Variants in CNTN3 observed in about 807,000 individuals in gnomAD.
CNTN3 encodes contactin-3.
CNTN3 carries 60 observed loss-of-function variants against 119.1 expected under a neutral mutation model. The observed-to-expected ratio is 0.50, with a 90% confidence interval of 0.41 to 0.62. The LOEUF is 0.62. CNTN3 is among the 20% of genes least tolerant of loss of function. The pLI is 0.00. For missense variants in CNTN3, 1,101 were observed against 1,242.4 expected (o/e 0.89, Z 1.71); for synonymous variants, 450 against 438.7 (o/e 1.03, Z -0.32).
chr3:74,376,607 A>C (rs185552725), intron 5 of CNTN3, among the ~76,000 whole-genome samples: 2 of 152,272 alleles, frequency 1.3e-5, no homozygotes, highest in East Asian at 3.9e-4. Flanking sequence ...TTGTATAATT[A>C]TTATATATTA....
Position 74,521,065 on chromosome 3 carries a change from G to T in CNTN3, c.48C>A (p.Cys16Ter). ...KQLILLSFIG[C>*]LGGELLLQGP... ...TATAGGATTTTTTTTTACCTCCTAA[G>T]CAGCCAATGAATGAAAGCAGGATCA... is the stretch of plus-strand genomic sequence containing the variant. Residue 16 changes from cysteine (C) to a stop codon, truncating the protein, a stop_gained, in exon 2 of 23, where the codon TGC becomes TGA. Transcript: ENST00000263665. LOFTEE classifies it high-confidence loss of function. The T allele has an allele frequency of 6.3e-7, 1 of 1,595,002 alleles. No individual in the cohort carries two copies. Among genetic ancestry groups the T allele is most frequent in the Non-Finnish European group, 8.6e-7 (1 of 1,168,830 alleles).
chr3:74,428,544 T>C (rs551974210), intron 4 of CNTN3, among the ~76,000 whole-genome samples: 1 of 152,310 alleles, frequency 6.6e-6, no homozygotes, highest in South Asian at 2.1e-4. Flanking sequence ...AAGAAAATAG[T>C]TTAGTAAAGC....
chr3:74,381,743 G>C (rs77089269), intron 5 of CNTN3, among the ~76,000 whole-genome samples: 1 of 151,894 alleles, frequency 6.6e-6, no homozygotes, highest in Non-Finnish European at 1.5e-5. Context: ...GTCTTTCAAA[G>C]CCTGAAAAAA....
At position 74,430,852 on chromosome 3, in the gene CNTN3, T is replaced by C. The variant is rs1259535373; in HGVS notation, c.359-5912A>G. On this transcript the variant is annotated intron_variant, in intron 4 of 22. Coordinates refer to ENST00000263665, the MANE Select transcript of CNTN3 (RefSeq NM_020872.3). The stretch of plus-strand genomic sequence containing the variant: ...AGCAAAGATAAAGTCCAGTTCCTCA[T>C]ATTTCCTTATTTCCTTTTATTTTCT... Among the ~76,000 whole-genome samples, 6 of 152,210 alleles carry C rather than the reference T, an allele frequency of 3.9e-5. No homozygotes were observed. The East Asian group carries it at 9.7e-4, about 25-fold the overall frequency.
chr3:74,272,604 T>C (rs1044450414), intron 20 of CNTN3, among the ~76,000 whole-genome samples: 3 of 152,182 alleles, frequency 2.0e-5, no homozygotes, highest in African/African-American at 7.2e-5. Context: ...GTGTGTCATA[T>C]ACAAACATGA....
chr3:74,319,414 GA>G (rs1702924302), intron 13 of CNTN3, among the ~76,000 whole-genome samples: 1 of 152,142 alleles, frequency 6.6e-6, no homozygotes, highest in African/African-American at 2.4e-5. Flanking sequence ...AAGAAATGGG[GA>G]AAGGATTCCC....
intron 1 of CNTN3, among the ~76,000 whole-genome samples, chr3:74,571,526 C>A (rs4677416): frequency 0.8 from 122,138 of 152,092 alleles, 49,196 homozygotes; most frequent in African/African-American, 0.85. Flanking sequence ...CATGAGAATT[C>A]TTCCATTGCC....
chr3:74,328,943 T>C (rs1575729933), intron 13 of CNTN3, among the ~76,000 whole-genome samples: 1 of 152,306 alleles, frequency 6.6e-6, no homozygotes, highest in South Asian at 2.1e-4. Flanking sequence ...TTGGACAAGA[T>C]ACAAAATGTA....
chr3:74,519,621 A>G (rs1575804011), intron 2 of CNTN3, among the ~76,000 whole-genome samples: 1 of 151,738 alleles, frequency 6.6e-6, no homozygotes, highest in East Asian at 1.9e-4. Flanking sequence ...CTGCTGCAGT[A>G]CATTTTGTGT....
intron 4 of CNTN3, among the ~76,000 whole-genome samples, chr3:74,431,651 G>A (rs544337998): frequency 1.3e-5 from 2 of 152,186 alleles, no homozygotes; most frequent in South Asian, 2.1e-4. Flanking sequence ...TGCTGAAAAG[G>A]CCACATGTGC....
intron 5 of CNTN3, among the ~76,000 whole-genome samples, chr3:74,405,615 T>C (rs1463331933): frequency 2.0e-5 from 3 of 152,074 alleles, no homozygotes; most frequent in East Asian, 1.9e-4. Flanking sequence ...TTGGGAAAAA[T>C]TGTTATCTTT....
intron 2 of CNTN3, among the ~76,000 whole-genome samples, chr3:74,510,167 T>C (rs1453189004): frequency 3.3e-5 from 5 of 152,054 alleles, no homozygotes; most frequent in African/African-American, 1.2e-4. Flanking sequence ...TTACAGCTGA[T>C]CACAGAAAGA....
chr3:74,532,818 G>C (rs188331710), intron 1 of CNTN3, among the ~76,000 whole-genome samples: 214 of 152,070 alleles, frequency 1.4e-3, no homozygotes, highest in African/African-American at 4.9e-3. Context: ...CTTAGATAAG[G>C]GGGGACTACT....
At chr3:74,434,220 G>C (rs184702871) in intron 4 of CNTN3, among the ~76,000 whole-genome samples, 17 of 152,322 alleles carry the variant, frequency 1.1e-4, no homozygotes, top group Non-Finnish European at 2.1e-4. Flanking sequence ...TATTTGTAAA[G>C]TGGGTACAAT....
At chr3:74,477,475 G>A (rs911587327) in intron 4 of CNTN3, among the ~76,000 whole-genome samples, 1 of 152,136 alleles carries the variant, frequency 6.6e-6, no homozygotes, top group African/African-American at 2.4e-5. Context: ...ATCATGTTGA[G>A]TGAAGTAAGC....
chr3:74,370,294 T>G (rs1704304385), intron 6 of CNTN3, among the ~76,000 whole-genome samples: 1 of 152,078 alleles, frequency 6.6e-6, no homozygotes, highest in Non-Finnish European at 1.5e-5. Flanking sequence ...ATTTAAGAAC[T>G]TTGGATTTGC....
At chr3:74,310,731 C>G (rs73109128) in intron 13 of CNTN3, among the ~76,000 whole-genome samples, 11,164 of 152,178 alleles carry the variant, frequency 0.073, 505 homozygotes, top group East Asian at 0.18. Context: ...TACTAAATTT[C>G]AGGAGGAGAG....
At chr3:74,523,516 A>T (rs1030153587) in intron 1 of CNTN3, among the ~76,000 whole-genome samples, 1 of 151,924 alleles carries the variant, frequency 6.6e-6, no homozygotes, top group Non-Finnish European at 1.5e-5. Flanking sequence ...TGAGGAGTAC[A>T]TTGATTGAAC....
At position 74,262,867 on chromosome 3, in the gene CNTN3, T is replaced by G. The variant is rs1403650527; in HGVS notation, c.*1534A>C. ...ATGGTCATATGAAATCTACTAGTCA[T>G]TCAGATTGTTTCAATATATACAGTA... On this transcript the variant is annotated 3_prime_UTR_variant, in exon 23 of 23. Transcript: ENST00000263665. The G allele has an allele frequency of 6.6e-6, 1 of 152,128 alleles. No individual in the cohort carries two copies. Among genetic ancestry groups the G allele is most frequent in the Non-Finnish European group, 1.5e-5 (1 of 67,982 alleles). 9.4% of individuals were successfully genotyped at this position (152,128 alleles called of 1,614,324 possible). A position where few individuals can be genotyped will look rare whatever the true frequency, so the allele number is the denominator to read the frequency against.
Sources: allele counts gnomAD v4.1 joint callset (sites outside exome capture counted in the v4.1 genomes callset), GRCh38; gene constraint gnomAD v4.1.1; transcripts MANE v1.5; gene names NCBI Gene and HGNC (gene_info 2026-07-23, HGNC 2026-07-21).